Variants in PRPF6 observed in about 807,000 individuals in gnomAD.
PRPF6 encodes the protein pre-mRNA processing factor 6.
PRPF6 carries 42 observed loss-of-function variants against 118.3 expected under a neutral mutation model. That is an observed-to-expected ratio of 0.35 (90% confidence interval 0.28 to 0.46). PRPF6 has a LOEUF of 0.46. Among genes scored for constraint, PRPF6 ranks in the 20% least tolerant of loss-of-function variants. The pLI, the probability that PRPF6 is intolerant of heterozygous loss-of-function variation, is 1.00. For missense variants in PRPF6, 662 were observed against 1,255.7 expected (o/e 0.53, Z 7.15); for synonymous variants, 481 against 485.1 (o/e 0.99, Z 0.11).
chr20:64,032,804 G>C (rs768156922), intron 20 of PRPF6, 37 bp from the exon 21 acceptor site: 113 of 1,580,658 alleles, frequency 7.1e-5, no homozygotes, highest in Non-Finnish European at 9.4e-5. Flanking sequence ...AGTAGCGTGG[G>C]AGGACCCCTG....
intron 6 of PRPF6, among the ~76,000 whole-genome samples, chr20:63,995,996 G>C (rs1005552354): frequency 6.6e-6 from 1 of 152,046 alleles, no homozygotes; most frequent in African/African-American, 2.4e-5. Context: ...TAAAAAGTGT[G>C]TTTTTTTCCT....
chr20:64,016,379 CTCCCA>C (rs1369617119), intron 11 of PRPF6, among the ~76,000 whole-genome samples: 1 of 152,120 alleles, frequency 6.6e-6, no homozygotes, highest in Non-Finnish European at 1.5e-5. Flanking sequence ...CACCCTCGAC[CTCCCA>C]AAGTGCTGGG....
rs201710977 is a variant in PRPF6, at chr20:64,027,719, A to G, written c.2322A>G (p.Pro774=). Residue 774 remains proline, a synonymous_variant, in exon 17 of 21, where the codon CCA becomes CCG. Transcript: ENST00000266079. This position sits in a 1 kb window ranked among gnomAD's most constrained non-coding sequence, Gnocchi z 6.5. ...TGGAAAAGTCTCGTCTGAAGAACCCAAAGAACCCTGGGCTGTGGTGAGTCC... is the reference window on the plus strand; with the variant it reads ...TGGAAAAGTCTCGTCTGAAGAACCCGAAGAACCCTGGGCTGTGGTGAGTCC... ...AILEKSRLKN[P]KNPGLWLESV... is the part of the protein sequence containing the mutation. 9.1e-5 allele frequency: 147 copies of G among 1,613,994 alleles called. 1 individual carries two copies. The East Asian group carries it at 3.2e-3, about 35-fold the overall frequency.
chr20:63,995,595 T>C, intron 6 of PRPF6, 113 bp downstream of exon 6: 1 of 1,118,172 alleles, frequency 8.9e-7, no homozygotes, highest in Non-Finnish European at 1.3e-6. Flanking sequence ...CTTCTCCTCC[T>C]CCTCCTTCTT....
intron 19 of PRPF6, 29 bp from the exon 20 acceptor site, chr20:64,031,889 T>C (rs1184571804): frequency 4.3e-6 from 7 of 1,613,802 alleles, no homozygotes; most frequent in South Asian, 3.3e-5. Context: ...AGCCACTCAC[T>C]CTGGGTTCAC....
At chr20:64,025,489 C>G (rs2059285224) in intron 14 of PRPF6, among the ~76,000 whole-genome samples, 1 of 152,254 alleles carries the variant, frequency 6.6e-6, no homozygotes, top group South Asian at 2.1e-4. Flanking sequence ...CAGTGGCACC[C>G]TGGGAGTCCT....
chr20:64,016,757 C>T lies in PRPF6; in HGVS notation c.1559C>T (p.Ala520Val), dbSNP rs759543769. The T allele has an allele frequency of 7.4e-6, 12 of 1,614,080 alleles. No individual in the cohort carries two copies. The South Asian group carries it at 1.1e-4, about 15-fold the overall frequency. Residue 520 changes from alanine to valine, a missense_variant, in exon 12 of 21, where the codon GCC becomes GTC. By Grantham distance (64) the Ala-to-Val change is moderately conservative (BLOSUM62 0). Around this residue, in one of 10 missense-constraint regions of PRPF6, gnomAD observed 189 missense variants for 323.5 expected, o/e 0.58. Transcript: ENST00000266079. ...AEECDRAGSV[A>V]TCQAVMRAVI... ...GAATGTGACAGGGCTGGGAGTGTGG[C>T]CACCTGCCAGGCCGTCATGCGTGCC...
At position 64,014,245 on chromosome 20, in the gene PRPF6, T is replaced by A. The variant is rs182927906; in HGVS notation, c.1525-2478T>A. Among the ~76,000 whole-genome samples the A allele has an allele frequency of 2.7e-3, 413 of 152,278 alleles. 4 individuals carry two copies. Among genetic ancestry groups the A allele is most frequent in the Non-Finnish European group, 9.3e-4 (63 of 68,028 alleles). On this transcript the variant is annotated intron_variant, in intron 11 of 20. Coordinates refer to ENST00000266079, the MANE Select transcript of PRPF6 (RefSeq NM_012469.4). ...GTGAGCCACCGTGCCTGTCTAACCT[T>A]GTTTTTTTACTTTCTTTCTCTACAC... is the stretch of plus-strand genomic sequence containing the variant.
intron 5 of PRPF6, 23 bp from the exon 6 acceptor site, chr20:63,995,304 G>A (rs186296076): frequency 6.3e-7 from 1 of 1,598,786 alleles, no homozygotes; most frequent in African/African-American, 1.3e-5. Flanking sequence ...TTTTATTCTT[G>A]CCTTTCCTCT....
intron 1 of PRPF6, 65 bp downstream of exon 1, chr20:63,981,381 T>G (rs2059066028): frequency 6.8e-7 from 1 of 1,467,188 alleles, no homozygotes. Flanking sequence ...CTTTGGGGCG[T>G]GTTTGGGGGC....
chr20:64,016,136 T>G (rs79397020), intron 11 of PRPF6, among the ~76,000 whole-genome samples: 1 of 151,828 alleles, frequency 6.6e-6, no homozygotes, highest in Non-Finnish European at 1.5e-5. Flanking sequence ...TTTTTTTTTT[T>G]TCTGAGACGT....
intron 20 of PRPF6, among the ~76,000 whole-genome samples, chr20:64,032,423 C>G (rs1242733928): frequency 6.6e-6 from 1 of 152,216 alleles, no homozygotes; most frequent in Admixed American, 6.5e-5. Context: ...ACAGCCTGGG[C>G]AGCAGCCCCT....
chr20:63,998,730 C>G (rs73626413), intron 6 of PRPF6, among the ~76,000 whole-genome samples: 4 of 145,708 alleles, frequency 2.7e-5, no homozygotes, highest in Non-Finnish European at 3.0e-5. Flanking sequence ...TAGTCCCAGC[C>G]ACTCGGGAGG....
intron 8 of PRPF6, 80 bp downstream of exon 8, chr20:63,999,839 C>A (rs2059158713): frequency 1.6e-5 from 24 of 1,534,954 alleles, no homozygotes; most frequent in Non-Finnish European, 2.1e-5. Context: ...TAGAGCAAAT[C>A]TCTTTGTCTT....
intron 3 of PRPF6, among the ~76,000 whole-genome samples, chr20:63,990,536 T>C (rs1372125140): frequency 6.6e-6 from 1 of 151,942 alleles, no homozygotes; most frequent in African/African-American, 2.4e-5. Context: ...GGTGGCTTGA[T>C]TATAGCTCCC....
intron 3 of PRPF6, among the ~76,000 whole-genome samples, chr20:63,985,894 C>G (rs2059090999): frequency 6.6e-6 from 1 of 152,200 alleles, no homozygotes; most frequent in African/African-American, 2.4e-5. Flanking sequence ...TACTTCCAAA[C>G]TTATTCTACA....
chr20:64,029,295 C>T lies in PRPF6; in HGVS notation c.2432-82C>T, dbSNP rs1005725907. On this transcript the variant is annotated intron_variant, in intron 18 of 20. Coordinates refer to ENST00000266079, the MANE Select transcript of PRPF6 (RefSeq NM_012469.4). The surrounding 1 kb of genome is among the most constrained non-coding windows in gnomAD (Gnocchi z 4.8). ...CCCCTGTCGTGGTCTGAGGACGTCC[C>T]GGGTTAGAATCTGTAGGCTGGGCAC... 83 of 1,286,708 alleles carry T rather than the reference C, an allele frequency of 6.5e-5. 1 individual carries two copies. The highest frequency in any genetic ancestry group is 4.0e-4 in the South Asian group (34 of 84,508). 79.7% of individuals were successfully genotyped at this position (1,286,708 alleles called of 1,614,324 possible).
At chr20:64,009,010 C>T (rs938355357) in intron 9 of PRPF6, among the ~76,000 whole-genome samples, 2 of 151,860 alleles carry the variant, frequency 1.3e-5, no homozygotes, top group African/African-American at 2.4e-5. Flanking sequence ...TTAGGTCGGG[C>T]GTGGTGGCTC....
Position 63,981,177 on chromosome 20 carries a change from A to G in PRPF6, c.-69A>G. 3 of 1,492,012 alleles carry G rather than the reference A, an allele frequency of 2.0e-6. No individual in the cohort carries two copies. Among genetic ancestry groups the G allele is most frequent in the South Asian group, 1.2e-5 (1 of 83,326 alleles). The allele number at this position is 1,492,012 out of a possible 1,614,324, so 92.4% of individuals were successfully genotyped here. On this transcript the variant is annotated 5_prime_UTR_variant, in exon 1 of 21. Transcript: ENST00000266079. The stretch of plus-strand genomic sequence containing the variant: ...GAGTGCATCGGACGTCGAAGCCTAG[A>G]GTCTCTGCGTCTTTCCCTCTTCCGC...
Sources: gnomAD v4.1 joint callset for allele counts (sites outside exome capture counted in the v4.1 genomes callset) on GRCh38, gnomAD v4.1.1 for gene constraint, gnomAD v4.1.1 regional missense constraint, Gnocchi (gnomAD v3.1) non-coding constraint, MANE v1.5 for transcripts, NCBI Gene and HGNC (gene_info 2026-07-23, HGNC 2026-07-21) for gene names.